The following CNTNAP2 variants were observed in gnomAD, a reference collection of about 807,000 sequenced individuals.
CNTNAP2 encodes contactin associated protein 2.
A neutral mutation model predicts 155.2 loss-of-function variants in CNTNAP2; 98 were observed. The observed-to-expected ratio is 0.63, with a 90% CI of 0.54 to 0.75. CNTNAP2 has a LOEUF of 0.75. Ranked by LOEUF, CNTNAP2 falls within the 30% of genes least tolerant of loss-of-function variation. The pLI, the probability that CNTNAP2 is intolerant of heterozygous loss-of-function variation, is 0.00. For missense variants in CNTNAP2, 1,727 were observed against 1,688.1 expected, an observed-to-expected ratio of 1.02 and a Z score of -0.40; for synonymous variants, 651 against 631.2, an observed-to-expected ratio of 1.03 and a Z score of -0.47.
At chr7:147,862,058 A>G (rs1393699641) in intron 13 of CNTNAP2, among the ~76,000 whole-genome samples, 1 of 151,268 alleles carries the variant, frequency 6.6e-6, no homozygotes, top group Non-Finnish European at 1.5e-5. Context: ...GTTAGCCAAT[A>G]TGGTATTTTG....
At chr7:148,056,892 T>G (rs780265647) in intron 15 of CNTNAP2, among the ~76,000 whole-genome samples, 12 of 152,302 alleles carry the variant, frequency 7.9e-5, no homozygotes, top group East Asian at 1.9e-4. Context: ...TTTTCTTAAT[T>G]TTCCAGTTTT....
chr7:147,331,784 C>A (rs896948439), intron 9 of CNTNAP2, among the ~76,000 whole-genome samples: 7 of 152,150 alleles, frequency 4.6e-5, no homozygotes, highest in Admixed American at 2.6e-4. Context: ...ACTGGCCAGA[C>A]CTTGTTCACT....
intron 1 of CNTNAP2, among the ~76,000 whole-genome samples, chr7:146,277,986 C>G (rs1313493625): frequency 2.0e-5 from 3 of 152,122 alleles, no homozygotes; most frequent in African/African-American, 7.2e-5. Flanking sequence ...GGGTTATCAT[C>G]TTACTATGTA....
intron 1 of CNTNAP2, among the ~76,000 whole-genome samples, chr7:146,328,596 A>C (rs191206330): frequency 6.6e-6 from 1 of 152,184 alleles, no homozygotes; most frequent in East Asian, 1.9e-4. Flanking sequence ...AGTATACAAT[A>C]TATCATTAAC....
At chr7:146,934,871 A>G (rs1248995603) in intron 3 of CNTNAP2, among the ~76,000 whole-genome samples, 1 of 152,180 alleles carries the variant, frequency 6.6e-6, no homozygotes, top group Non-Finnish European at 1.5e-5. Flanking sequence ...TGTGGACCGA[A>G]CAAATGCCAT....
chr7:147,106,484 C>T (rs1234751774), intron 4 of CNTNAP2, among the ~76,000 whole-genome samples: 1 of 151,982 alleles, frequency 6.6e-6, no homozygotes, highest in Non-Finnish European at 1.5e-5. Flanking sequence ...CTGTGATTCA[C>T]AGTCTCAGAG....
intron 9 of CNTNAP2, among the ~76,000 whole-genome samples, chr7:147,325,665 C>T (rs1795441491): frequency 6.6e-6 from 1 of 152,112 alleles, no homozygotes; most frequent in Admixed American, 6.5e-5. Context: ...ATATGTTAGT[C>T]ACAGCTTCCA....
At chr7:146,482,739 CA>C (rs555270058) in intron 1 of CNTNAP2, among the ~76,000 whole-genome samples, 16,163 of 136,384 alleles carry the variant, frequency 0.12, 986 homozygotes, top group African/African-American at 0.19. Flanking sequence ...AAGACTGTCT[CA>C]AAAAAAAAAA....
chr7:146,978,029 GC>G (rs1797945753), intron 3 of CNTNAP2, among the ~76,000 whole-genome samples: 5 of 152,248 alleles, frequency 3.3e-5, no homozygotes, highest in Admixed American at 3.3e-4. Flanking sequence ...AGGCAGTGAA[GC>G]AAAAAGCACA....
At chr7:146,916,340 T>G (rs1796393772) in intron 3 of CNTNAP2, among the ~76,000 whole-genome samples, 1 of 152,116 alleles carries the variant, frequency 6.6e-6, no homozygotes, top group Admixed American at 6.6e-5. Context: ...CAAAGAATGA[T>G]TTAGAGAGGA....
At chr7:146,426,330 C>T (rs2693423) in intron 1 of CNTNAP2, among the ~76,000 whole-genome samples, 5,347 of 150,318 alleles carry the variant, frequency 0.036, 339 homozygotes, top group African/African-American at 0.12. Flanking sequence ...TTTAGGCTCA[C>T]GTTTGCCTCA....
intron 3 of CNTNAP2, among the ~76,000 whole-genome samples, chr7:146,930,907 C>T (rs1796738550): frequency 6.6e-6 from 1 of 151,998 alleles, no homozygotes. Context: ...ATATATGCAC[C>T]CAATACAGGA....
intron 12 of CNTNAP2, among the ~76,000 whole-genome samples, chr7:147,621,261 G>A (rs989764648): frequency 6.6e-6 from 1 of 152,022 alleles, no homozygotes; most frequent in African/African-American, 2.4e-5. Context: ...CAAGATAAAG[G>A]ATGTTAATGA....
At chr7:147,237,120 C>CAGTGGTGCAA (rs1170919716) in intron 8 of CNTNAP2, among the ~76,000 whole-genome samples, 4 of 129,260 alleles carry the variant, frequency 3.1e-5, no homozygotes, top group African/African-American at 1.2e-4. Context: ...GGCTGGAGCA[C>CAGTGGTGCAA]AGTGGTGCAA....
At chr7:146,565,216 T>C (rs1234869701) in intron 1 of CNTNAP2, among the ~76,000 whole-genome samples, 1 of 152,084 alleles carries the variant, frequency 6.6e-6, no homozygotes, top group African/African-American at 2.4e-5. Context: ...GTACAGCTTA[T>C]ACAAGGAAAA....
At chr7:146,293,661 A>C (rs1287472763) in intron 1 of CNTNAP2, among the ~76,000 whole-genome samples, 1 of 152,174 alleles carries the variant, frequency 6.6e-6, no homozygotes, top group Non-Finnish European at 1.5e-5. Context: ...ACAGAGGTAT[A>C]TATGGCTTTT....
chr7:146,141,331 G>A (rs1031387031), intron 1 of CNTNAP2, among the ~76,000 whole-genome samples: 1 of 152,114 alleles, frequency 6.6e-6, no homozygotes, highest in South Asian at 2.1e-4. Context: ...TATTATTCGT[G>A]TAGATCACTA....
intron 11 of CNTNAP2, among the ~76,000 whole-genome samples, chr7:147,525,401 A>C (rs866087618): frequency 6.6e-6 from 1 of 152,200 alleles, no homozygotes; most frequent in African/African-American, 2.4e-5. Flanking sequence ...AAAGACAGAA[A>C]TAGAGACAAA....
At chr7:147,928,097 T>C (rs965894622) in intron 14 of CNTNAP2, among the ~76,000 whole-genome samples, 2 of 152,200 alleles carry the variant, frequency 1.3e-5, no homozygotes, top group Non-Finnish European at 2.9e-5. Flanking sequence ...TTTCCCCTTT[T>C]GCTTGGCTCT....
Sources: allele counts gnomAD v4.1 joint callset (sites outside exome capture counted in the v4.1 genomes callset), GRCh38; gene constraint gnomAD v4.1.1; transcripts MANE v1.5; gene names NCBI Gene and HGNC (gene_info 2026-07-23, HGNC 2026-07-21).